PPP2R2C: variants seen among roughly 807,000 people sequenced by gnomAD.
The protein encoded by PPP2R2C is protein phosphatase 2 regulatory subunit Bgamma.
Under a neutral mutation model 45.3 loss-of-function variants are expected in PPP2R2C, and 10 were observed. The ratio of observed to expected loss-of-function variants is 0.22; its 90% CI spans 0.14 to 0.37. The LOEUF is 0.37. Among genes scored for constraint, PPP2R2C ranks in the 10% least tolerant of loss-of-function variants. PPP2R2C has a pLI of 1.00. For synonymous variants in PPP2R2C, 257 were observed against 245.4 expected (o/e 1.05, Z -0.44); for missense variants, 308 against 619.7 (o/e 0.50, Z 5.34).
intron 1 of PPP2R2C, among the ~76,000 whole-genome samples, chr4:6,403,723 C>T (rs545895534): frequency 2.0e-5 from 3 of 152,148 alleles, no homozygotes; most frequent in Non-Finnish European, 2.9e-5. Context: ...GTTAGCTGGG[C>T]GTGGTGGTGG....
chr4:6,558,862 G>A (rs920060457), intron 1 of PPP2R2C, among the ~76,000 whole-genome samples: 2 of 152,162 alleles, frequency 1.3e-5, no homozygotes, highest in Admixed American at 1.3e-4. Flanking sequence ...CCCACCCAGT[G>A]AGTCTCCATC....
chr4:6,382,312 C>T (rs899624555), intron 1 of PPP2R2C: 2 of 1,286,052 alleles, frequency 1.6e-6, no homozygotes, highest in African/African-American at 3.0e-5. Flanking sequence ...TCTCCAAAAT[C>T]TGTGATACCA....
intron 5 of PPP2R2C, among the ~76,000 whole-genome samples, chr4:6,359,699 G>A (rs906007588): frequency 6.6e-5 from 10 of 151,330 alleles, no homozygotes; most frequent in African/African-American, 1.2e-4. Context: ...CCAGCCACGC[G>A]AGCTCAGCCA....
intron 1 of PPP2R2C, among the ~76,000 whole-genome samples, chr4:6,417,339 T>G (rs757802179): frequency 6.6e-6 from 1 of 152,242 alleles, no homozygotes; most frequent in Non-Finnish European, 1.5e-5. Flanking sequence ...GTTACGTGAA[T>G]TAAGGACATG....
intron 6 of PPP2R2C, among the ~76,000 whole-genome samples, chr4:6,337,114 A>G (rs1290583310): frequency 0.05 from 947 of 18,856 alleles, 36 homozygotes; most frequent in African/African-American, 0.26. Context: ...GTGTGTGTGT[A>G]TATATATATA....
intron 1 of PPP2R2C, among the ~76,000 whole-genome samples, chr4:6,461,312 GT>G (rs1721308512): frequency 6.6e-6 from 1 of 152,194 alleles, no homozygotes; most frequent in Non-Finnish European, 1.5e-5. Flanking sequence ...GTAAAGGTTT[GT>G]TTTGTGGGGT....
intron 2 of PPP2R2C, among the ~76,000 whole-genome samples, chr4:6,508,430 CA>C (rs1057220409): frequency 6.6e-5 from 10 of 150,864 alleles, no homozygotes; most frequent in South Asian, 2.1e-4. Flanking sequence ...ACTAAAAATA[CA>C]AAAAAAAATT....
chr4:6,466,081 C>T, intron 1 of PPP2R2C, among the ~76,000 whole-genome samples: 1 of 152,190 alleles, frequency 6.6e-6, no homozygotes, highest in East Asian at 1.9e-4. Context: ...AACATCAATG[C>T]CTTGGAGCAT....
chr4:6,426,255 A>G (rs144747667), intron 1 of PPP2R2C, among the ~76,000 whole-genome samples: 407 of 152,328 alleles, frequency 2.7e-3, no homozygotes, highest in African/African-American at 9.4e-3. Context: ...CCAGCTGGGC[A>G]GTGAGAGGGA....
chr4:6,357,259 G>C (rs1018599328), intron 5 of PPP2R2C, among the ~76,000 whole-genome samples: 1 of 152,112 alleles, frequency 6.6e-6, no homozygotes, highest in African/African-American at 2.4e-5. Flanking sequence ...GGGCAAGGAG[G>C]GGCTGTCAGG....
intron 6 of PPP2R2C, among the ~76,000 whole-genome samples, chr4:6,340,601 C>CA (rs1733369767): frequency 6.6e-6 from 1 of 152,156 alleles, no homozygotes; most frequent in Admixed American, 6.5e-5. Context: ...GGGCCCACCA[C>CA]CTTCCCCACC....
intron 5 of PPP2R2C, among the ~76,000 whole-genome samples, chr4:6,369,786 A>T (rs1413347546): frequency 6.6e-6 from 1 of 152,122 alleles, no homozygotes; most frequent in Non-Finnish European, 1.5e-5. Flanking sequence ...GGGCTACAGC[A>T]AGGATGACTC....
intron 6 of PPP2R2C, among the ~76,000 whole-genome samples, chr4:6,340,654 G>A (rs143477548): frequency 3.9e-4 from 59 of 152,294 alleles, no homozygotes; most frequent in Middle Eastern, 6.8e-3. Context: ...TCTCACCTGC[G>A]TGAACACGCT....
chr4:6,498,621 G>A (rs543937029), intron 2 of PPP2R2C, among the ~76,000 whole-genome samples: 1 of 152,298 alleles, frequency 6.6e-6, no homozygotes, highest in African/African-American at 2.4e-5. Context: ...CATGGGAGGT[G>A]ACACCCTGCA....
In PPP2R2C at chr4:6,556,002, GGGGT is replaced by G. The variant is rs1725389056; in HGVS notation, c.-59+7554_-59+7557del. The stretch of plus-strand genomic sequence containing the variant: ...GTGTGTGAGCCCAAGAGTGAGCCCT[GGGGT>G]GGCTGGAAAGAGTCTGCCCAGCACC... On this transcript the variant is annotated intron_variant, in intron 1 of 9. Coordinates refer to the PPP2R2C transcript ENST00000506140. 5.9e-5 allele frequency among the ~76,000 whole-genome samples: 9 copies of G among 152,226 alleles called. No individual in the cohort carries two copies. In the South Asian group the frequency reaches 1.9e-3, roughly 32 times the overall value.
rs997763387 is a variant in PPP2R2C at position 6,324,930 on chromosome 4, G to C, written c.1053-1337C>G. On this transcript the variant is annotated intron_variant, in intron 8 of 8. Transcript: ENST00000382599. This position sits in a 1 kb window ranked among gnomAD's most constrained non-coding sequence, Gnocchi z 4.1. ...GGATGTTACGAAAAGCGACCATAAAGAAGTTGTCCTGCTGAAGGCTCTTCA... is the reference window on the plus strand; with the variant it reads ...GGATGTTACGAAAAGCGACCATAAACAAGTTGTCCTGCTGAAGGCTCTTCA... Among the ~76,000 whole-genome samples, 17 of 152,226 alleles carry C rather than the reference G, an allele frequency of 1.1e-4. No individual in the cohort carries two copies. The highest frequency in any genetic ancestry group is 2.2e-4 in the Non-Finnish European group (15 of 68,038).
chr4:6,394,512 C>CA (rs1418578393), intron 1 of PPP2R2C, among the ~76,000 whole-genome samples: 1 of 152,230 alleles, frequency 6.6e-6, no homozygotes, highest in Non-Finnish European at 1.5e-5. Flanking sequence ...GGACCTGGTT[C>CA]GACTGTCTCC....
intron 2 of PPP2R2C, among the ~76,000 whole-genome samples, chr4:6,499,950 C>A (rs2108793211): frequency 6.6e-6 from 1 of 152,196 alleles, no homozygotes; most frequent in East Asian, 1.9e-4. Flanking sequence ...AGTTTTTACA[C>A]CACCAGTGAT....
chr4:6,503,376 A>C (rs1723120910), intron 2 of PPP2R2C, among the ~76,000 whole-genome samples: 1 of 152,180 alleles, frequency 6.6e-6, no homozygotes, highest in Admixed American at 6.5e-5. Flanking sequence ...TCCCCTGCCC[A>C]GCCAGTTTTC....
Sources: allele counts gnomAD v4.1 joint callset (sites outside exome capture counted in the v4.1 genomes callset), GRCh38; gene constraint gnomAD v4.1.1; non-coding constraint Gnocchi (gnomAD v3.1); transcripts MANE v1.5; gene names NCBI Gene and HGNC (gene_info 2026-07-23, HGNC 2026-07-21).